The following RAPGEF5 variants were observed in gnomAD, a reference collection of about 807,000 sequenced individuals.
RAPGEF5 encodes M-Ras-regulated GEF.
Under a neutral mutation model 125.2 loss-of-function variants are expected in RAPGEF5, and 65 were observed. That is an observed-to-expected ratio of 0.52 (90% confidence interval 0.43 to 0.64). The LOEUF is 0.64. Ranked by LOEUF, RAPGEF5 falls within the 30% of genes least tolerant of loss-of-function variation. The pLI, the probability that RAPGEF5 is intolerant of heterozygous loss-of-function variation, is 0.00. For missense variants in RAPGEF5, 958 were observed against 1,048.1 expected (o/e 0.91, Z 1.19); for synonymous variants, 391 against 385.9 (o/e 1.01, Z -0.16).
chr7:22,341,926 GA>G (rs1784136728), intron 1 of RAPGEF5, among the ~76,000 whole-genome samples: 2 of 152,198 alleles, frequency 1.3e-5, no homozygotes, highest in Non-Finnish European at 2.9e-5. Context: ...CTGGGGTCTG[GA>G]GGACAGTGGC....
chr7:22,256,160 G>C (rs555149246), intron 7 of RAPGEF5, among the ~76,000 whole-genome samples: 1 of 152,292 alleles, frequency 6.6e-6, no homozygotes, highest in African/African-American at 2.4e-5. Context: ...TTCTCCTGCT[G>C]CTCCAGAGGT....
intron 7 of RAPGEF5, among the ~76,000 whole-genome samples, chr7:22,258,964 T>C (rs1200361445): frequency 2.6e-5 from 4 of 152,200 alleles, no homozygotes; most frequent in Non-Finnish European, 5.9e-5. Flanking sequence ...GTGATGACTT[T>C]GTAAATATAA....
At chr7:22,338,591 T>C (rs1046040486) in intron 1 of RAPGEF5, among the ~76,000 whole-genome samples, 1 of 152,236 alleles carries the variant, frequency 6.6e-6, no homozygotes, top group African/African-American at 2.4e-5. Flanking sequence ...CTAACATTTG[T>C]GCTTCTTTTA....
In RAPGEF5 at chr7:22,145,059, A is replaced by G. The variant is rs1417617311; in HGVS notation, c.2171T>C (p.Ile724Thr). ...AGAAACTTACTGAGCCGCAATTTTGATGAATTTTTTCACCAGCTGCACTCG... is the reference window on the plus strand; with the variant it reads ...AGAAACTTACTGAGCCGCAATTTTGGTGAATTTTTTCACCAGCTGCACTCG... ...GKRVQLVKKF[I>T]KIAAHCKAQR... The change falls in exon 20 of 26, where the codon ATC becomes ACC. Residue 724 changes from isoleucine to threonine, a missense_variant. Ile to Thr is a moderately conservative substitution (Grantham distance 89). Coordinates refer to ENST00000665637, the MANE Select transcript of RAPGEF5 (RefSeq NM_012294.5). The G allele has an allele frequency of 6.2e-7, 1 of 1,613,298 alleles. No individual in the cohort carries two copies. The highest frequency in any genetic ancestry group is 1.1e-5 in the South Asian group (1 of 91,018).
intron 9 of RAPGEF5, among the ~76,000 whole-genome samples, chr7:22,205,412 T>A (rs75495886): frequency 0.027 from 4,140 of 152,310 alleles, 76 homozygotes; most frequent in Non-Finnish European, 0.04. Flanking sequence ...TTTGAAGTAC[T>A]CGACTGTGGG....
chr7:22,191,581 G>A (rs1351262795), intron 11 of RAPGEF5: 2 of 471,122 alleles, frequency 4.2e-6, no homozygotes, highest in South Asian at 3.1e-5. Context: ...TGAAGTCCTG[G>A]TCCGCTTGGC....
At chr7:22,204,751 A>T (rs4406309) in intron 9 of RAPGEF5, among the ~76,000 whole-genome samples, 129,675 of 152,198 alleles carry the variant, frequency 0.85, 55,379 homozygotes, top group Non-Finnish European at 0.89. Flanking sequence ...AAGGTAGACA[A>T]AGTGGCACTC....
At position 22,119,168 on chromosome 7, in the gene RAPGEF5, C is replaced by G. The variant is rs1488235040; in HGVS notation, c.*3238G>C. On this transcript the variant is annotated 3_prime_UTR_variant, in exon 26 of 26. Coordinates refer to ENST00000665637, the MANE Select transcript of RAPGEF5 (RefSeq NM_012294.5). This position sits in a 1 kb window ranked among gnomAD's most constrained non-coding sequence, Gnocchi z 4.1. ...TATGGGTAGCAGTGAAAGCCCAGCT[C>G]CAGGGATAAGAAGTCATCACTGGTA... 6.6e-6 allele frequency: 1 copy of G among 152,152 alleles called. No homozygotes were observed. The highest frequency in any genetic ancestry group is 1.5e-5 in the Non-Finnish European group (1 of 68,034). The allele number at this position is 152,152 out of a possible 1,614,324, so 9.4% of individuals were successfully genotyped here. A position where few individuals can be genotyped will look rare whatever the true frequency, so the allele number is the denominator to read the frequency against.
chr7:22,325,052 C>G (rs1783786910), intron 1 of RAPGEF5, among the ~76,000 whole-genome samples: 1 of 152,192 alleles, frequency 6.6e-6, no homozygotes, highest in Admixed American at 6.5e-5. Flanking sequence ...GCCATGATCT[C>G]TGCTCTGTGC....
intron 11 of RAPGEF5, among the ~76,000 whole-genome samples, chr7:22,177,012 C>A (rs1170082544): frequency 6.6e-6 from 1 of 152,158 alleles, no homozygotes; most frequent in African/African-American, 2.4e-5. Context: ...TATTAGTGTT[C>A]TTTTCAATAA....
intron 1 of RAPGEF5, among the ~76,000 whole-genome samples, chr7:22,350,153 A>G (rs780502735): frequency 3.5e-5 from 5 of 144,712 alleles, no homozygotes; most frequent in Non-Finnish European, 6.1e-5. Context: ...TGCAGTATTG[A>G]GGCAAAAAAA....
chr7:22,276,668 G>A lies in RAPGEF5; in HGVS notation c.748-9656C>T, dbSNP rs553682379. Among the ~76,000 whole-genome samples, 24 of 152,320 alleles carry A rather than the reference G, an allele frequency of 1.6e-4. No homozygotes were observed. The South Asian group carries it at 1.9e-3, about 12-fold the overall frequency. Reference sequence around the variant, plus strand: ...CCTAGAAGACCAAGATTCAGAACCCGAGATCCAAAAGTCTAAAACAAGAGT... The same window carrying A: ...CCTAGAAGACCAAGATTCAGAACCCAAGATCCAAAAGTCTAAAACAAGAGT... On this transcript the variant is annotated intron_variant, in intron 6 of 25. Transcript: ENST00000665637.
At chr7:22,340,395 C>A (rs1784103004) in intron 1 of RAPGEF5, among the ~76,000 whole-genome samples, 1 of 152,228 alleles carries the variant, frequency 6.6e-6, no homozygotes, top group East Asian at 1.9e-4. Flanking sequence ...TGAATCTTCA[C>A]AAACCAGGAA....
At chr7:22,261,077 T>A (rs370133570) in intron 7 of RAPGEF5, among the ~76,000 whole-genome samples, 63 of 152,222 alleles carry the variant, frequency 4.1e-4, no homozygotes, top group African/African-American at 1.5e-3. Flanking sequence ...TAAAATTAAT[T>A]CCAGAGGACT....
At chr7:22,257,615 GTTCCTTCACA>G (rs900776436) in intron 7 of RAPGEF5, among the ~76,000 whole-genome samples, 1 of 152,146 alleles carries the variant, frequency 6.6e-6, no homozygotes, top group African/African-American at 2.4e-5. Flanking sequence ...CCTTGCCATT[GTTCCTTCACA>G]TCCACACTCA....
intron 2 of RAPGEF5, 109 bp from the exon 3 acceptor site, chr7:22,315,585 A>G (rs1783572993): frequency 9.2e-6 from 6 of 652,262 alleles, no homozygotes; most frequent in African/African-American, 2.0e-5. Context: ...ATATTCATAT[A>G]TTTATATATA....
intron 8 of RAPGEF5, among the ~76,000 whole-genome samples, chr7:22,229,025 T>C (rs11773706): frequency 0.091 from 13,821 of 152,110 alleles, 739 homozygotes; most frequent in Non-Finnish European, 0.1. Flanking sequence ...GCATGCTAGG[T>C]ACTGTCTAGC....
chr7:22,137,604 A>T (rs1783118236), intron 21 of RAPGEF5, among the ~76,000 whole-genome samples: 1 of 152,158 alleles, frequency 6.6e-6, no homozygotes. Context: ...CTAAGTAAAA[A>T]ATTGGGTGCC....
chr7:22,281,077 A>G (rs1782663316), intron 6 of RAPGEF5, among the ~76,000 whole-genome samples: 1 of 152,212 alleles, frequency 6.6e-6, no homozygotes, highest in South Asian at 2.1e-4. Context: ...GATAGTCTAC[A>G]TTTTTACCTG....
Sources: gnomAD v4.1 joint callset for allele counts (sites outside exome capture counted in the v4.1 genomes callset) on GRCh38, gnomAD v4.1.1 for gene constraint, Gnocchi (gnomAD v3.1) non-coding constraint, MANE v1.5 for transcripts, NCBI Gene and HGNC (gene_info 2026-07-23, HGNC 2026-07-21) for gene names.